The following ITGAX variants were observed in gnomAD, a reference collection of about 807,000 sequenced individuals.
ITGAX encodes integrin alpha-X.
A neutral mutation model predicts 140.2 loss-of-function variants in ITGAX; 99 were observed. The ratio of observed to expected loss-of-function variants is 0.71; its 90% CI spans 0.60 to 0.83. The LOEUF (loss-of-function observed/expected upper bound fraction) is 0.83. Among genes scored for constraint, ITGAX ranks in the 40% least tolerant of loss-of-function variants. ITGAX has a pLI of 0.00. For missense variants in ITGAX, 1,444 were observed against 1,482.0 expected (o/e 0.97, Z 0.42); for synonymous variants, 631 against 600.4 (o/e 1.05, Z -0.75).
chr16:31,356,883 C>T (rs1467847689), intron 3 of ITGAX, 148 bp from the exon 4 acceptor site: 5 of 818,082 alleles, frequency 6.1e-6, no homozygotes, highest in East Asian at 2.6e-5. Context: ...CCTCCCCGCC[C>T]ATCGCACTCC....
intron 8 of ITGAX, 101 bp from the exon 9 acceptor site, chr16:31,360,962 G>A: frequency 8.8e-7 from 1 of 1,139,494 alleles, no homozygotes; most frequent in Non-Finnish European, 1.3e-6. Context: ...CACCGGGTGT[G>A]ATCATGTTGA....
At chr16:31,364,708 A>G (rs979086801) in intron 14 of ITGAX, among the ~76,000 whole-genome samples, 4 of 152,098 alleles carry the variant, frequency 2.6e-5, no homozygotes, top group African/African-American at 9.7e-5. Context: ...TCAGCATGGC[A>G]GGTCCTCAAA....
intron 7 of ITGAX, 118 bp downstream of exon 7, chr16:31,360,183 C>G: frequency 6.6e-7 from 1 of 1,517,132 alleles, no homozygotes; most frequent in South Asian, 1.3e-5. Context: ...GATACCCTTG[C>G]CAAGCTGGGG....
In ITGAX at chr16:31,382,464, A is replaced by G. The variant is rs1482120996; in HGVS notation, c.*557A>G. The G allele has an allele frequency of 1.3e-6, 2 of 1,532,318 alleles. No individual in the cohort carries two copies. Among genetic ancestry groups the G allele is most frequent in the Non-Finnish European group, 8.7e-7 (1 of 1,143,556 alleles). 94.9% of individuals were successfully genotyped at this position (1,532,318 alleles called of 1,614,324 possible). A position where few individuals can be genotyped will look rare whatever the true frequency, so the allele number is the denominator to read the frequency against. On this transcript the variant is annotated 3_prime_UTR_variant, in exon 30 of 30. Coordinates refer to ENST00000268296, the MANE Select transcript of ITGAX (RefSeq NM_000887.5). The stretch of plus-strand genomic sequence containing the variant: ...TGCTGCTCATCCCCACCTGTCTTCA[A>G]CAGCTCCCCATTACCCTCAGGACAA...
At chr16:31,357,149 G>T (rs1418931609) in intron 4 of ITGAX, 48 bp downstream of exon 4, 3 of 1,582,444 alleles carry the variant, frequency 1.9e-6, no homozygotes, top group South Asian at 1.1e-5. Context: ...GGAGGGAGGA[G>T]CCGGGGCCGC....
rs199585114 is a variant in ITGAX at position 31,381,938 on chromosome 16, C to G, written c.*31C>G. 35 of 1,119,396 alleles carry G rather than the reference C, an allele frequency of 3.1e-5. No homozygotes were observed. In the African/African-American group the frequency reaches 3.2e-4, roughly 10 times the overall value. The allele number at this position is 1,119,396 out of a possible 1,614,324, so 69.3% of individuals were successfully genotyped here. A position where few individuals can be genotyped will look rare whatever the true frequency, so the allele number is the denominator to read the frequency against. On this transcript the variant is annotated 3_prime_UTR_variant, in exon 30 of 30. Coordinates refer to ENST00000268296, the MANE Select transcript of ITGAX (RefSeq NM_000887.5). Reference sequence around the variant, plus strand: ...TCTTTGCCTTGGACTTCTTCTCCCCCGCGAGTTTTCCCCACTTACTTACCC... The same window carrying G: ...TCTTTGCCTTGGACTTCTTCTCCCCGGCGAGTTTTCCCCACTTACTTACCC...
intron 5 of ITGAX, chr16:31,358,229 G>A (rs1361107173): frequency 6.6e-6 from 1 of 152,262 alleles, no homozygotes; most frequent in East Asian, 1.9e-4. Flanking sequence ...GGTGCTGGAA[G>A]ATCGTCTCTT....
At chr16:31,377,751 C>G (rs1028985375) in intron 23 of ITGAX, among the ~76,000 whole-genome samples, 1 of 152,072 alleles carries the variant, frequency 6.6e-6, no homozygotes, top group African/African-American at 2.4e-5. Flanking sequence ...CTTGGCCACA[C>G]ATGGCAGGTG....
At chr16:31,374,547 C>G (rs1310622902) in intron 20 of ITGAX, among the ~76,000 whole-genome samples, 1 of 152,132 alleles carries the variant, frequency 6.6e-6, no homozygotes, top group Non-Finnish European at 1.5e-5. Flanking sequence ...TCAAGCGATC[C>G]TCCCATCTCA....
In ITGAX at chr16:31,381,980, A is replaced by AATGATC; in HGVS notation, c.*73_*74insATGATC. 1 of 1,413,706 alleles carries AATGATC rather than the reference A, an allele frequency of 7.1e-7. No homozygotes were observed. The highest frequency in any genetic ancestry group is 9.5e-7 in the Non-Finnish European group (1 of 1,048,158). 87.6% of individuals were successfully genotyped at this position (1,413,706 alleles called of 1,614,324 possible). A position where few individuals can be genotyped will look rare whatever the true frequency, so the allele number is the denominator to read the frequency against. ...TACTTACCCTCACCTGTCAGGCCTG[A>AATGATC]CGGGGAGGAACCACTGCACCACCGA... On this transcript the variant is annotated 3_prime_UTR_variant, in exon 30 of 30. Transcript: ENST00000268296.
Position 31,371,192 on chromosome 16 carries a change from C to A in ITGAX, c.1819C>A (p.Arg607=). Residue 607 remains arginine, a synonymous_variant, in exon 15 of 30, where the codon CGG becomes AGG. Transcript: ENST00000268296. ...ACTGGTGGACCTGGCTGTGGGGGCC[C>A]GGGGCCAGGTGCTCCTGCTCAGGTG... is the stretch of plus-strand genomic sequence containing the variant. ...DGLVDLAVGA[R]GQVLLLRTRP... is the part of the protein sequence containing the mutation. 1 of 1,610,328 alleles carries A rather than the reference C, an allele frequency of 6.2e-7. No homozygotes were observed. Among genetic ancestry groups the A allele is most frequent in the Non-Finnish European group, 8.5e-7 (1 of 1,178,292 alleles).
At chr16:31,368,076 C>A (rs2080909623) in intron 14 of ITGAX, among the ~76,000 whole-genome samples, 1 of 151,394 alleles carries the variant, frequency 6.6e-6, no homozygotes, top group Non-Finnish European at 1.5e-5. Context: ...AGAAGTGGAG[C>A]CTGAATTGCT....
intron 20 of ITGAX, among the ~76,000 whole-genome samples, chr16:31,373,637 G>A (rs11574642): frequency 0.02 from 3,115 of 152,252 alleles, 99 homozygotes; most frequent in African/African-American, 0.069. Context: ...TATTATATCA[G>A]TATTCCTCTT....
Position 31,380,979 on chromosome 16 carries a change from T to C in ITGAX, c.3359T>C (p.Leu1120Pro). ...AGCTCCATTGGGGGTCTGTTGCTGC[T>C]GGCACTCATCACAGCGGTACTGTAC... ...VGSSIGGLLL[L>P]ALITAVLYKV... Residue 1120 changes from leucine (L) to proline (P), a missense_variant, in exon 29 of 30, where the codon CTG (leucine) becomes CCG (proline). By Grantham distance (98) the Leu-to-Pro change is moderately conservative. Transcript: ENST00000268296. 6.2e-7 allele frequency: 1 copy of C among 1,614,122 alleles called. No homozygotes were observed. Among genetic ancestry groups the C allele is most frequent in the African/African-American group, 1.3e-5 (1 of 75,048 alleles).
chr16:31,365,768 C>G (rs1432570365), intron 14 of ITGAX, among the ~76,000 whole-genome samples: 1 of 152,148 alleles, frequency 6.6e-6, no homozygotes, highest in East Asian at 1.9e-4. Flanking sequence ...ACCCAAAATA[C>G]AAAAATTAGT....
At chr16:31,369,334 G>A (rs2080931120) in intron 14 of ITGAX, among the ~76,000 whole-genome samples, 2 of 151,604 alleles carry the variant, frequency 1.3e-5, no homozygotes, top group South Asian at 4.2e-4. Context: ...TGGCCGGGCA[G>A]AGGGTCTCCT....
chr16:31,376,617 C>G (rs1196527799), intron 20 of ITGAX, among the ~76,000 whole-genome samples, 182 bp from the exon 21 acceptor site: 1 of 152,090 alleles, frequency 6.6e-6, no homozygotes, highest in Non-Finnish European at 1.5e-5. Context: ...AGAGTGAGAC[C>G]TGGTCTCAAA....
chr16:31,357,631 C>G, intron 5 of ITGAX: 1 of 501,634 alleles, frequency 2.0e-6, no homozygotes, highest in Non-Finnish European at 3.5e-6. Context: ...GCACTGAAAG[C>G]AACACAGGAT....
In ITGAX at chr16:31,360,408, A is replaced by G. The variant is rs1428935850; in HGVS notation, c.806A>G (p.Tyr269Cys). ...DGKKEGDSLD[Y>C]KDVIPMADAA... ...AAGAAAGAAGGCGACAGCCTGGATT[A>G]TAAGGATGTCATCCCCATGGCTGAT... Residue 269 changes from tyrosine (Y) to cysteine (C), a missense_variant, in exon 8 of 30, where the codon TAT (tyrosine) becomes TGT (cysteine). Tyr to Cys is a radical substitution (Grantham distance 194). Coordinates refer to ENST00000268296, the MANE Select transcript of ITGAX (RefSeq NM_000887.5). 6.2e-7 allele frequency: 1 copy of G among 1,613,886 alleles called. No homozygotes were observed. Among genetic ancestry groups the G allele is most frequent in the African/African-American group, 1.3e-5 (1 of 74,930 alleles).
Sources: allele counts gnomAD v4.1 joint callset (sites outside exome capture counted in the v4.1 genomes callset), GRCh38; gene constraint gnomAD v4.1.1; transcripts MANE v1.5; gene names NCBI Gene and HGNC (gene_info 2026-07-23, HGNC 2026-07-21).